NRK: variants seen among roughly 807,000 people sequenced by gnomAD.
NRK encodes Nik related kinase.
NRK carries 67 observed loss-of-function variants against 125.2 expected under a neutral mutation model. The ratio of observed to expected loss-of-function variants is 0.54; its 90% CI spans 0.44 to 0.66. NRK has a LOEUF of 0.66. Among genes scored for constraint, NRK ranks in the 30% least tolerant of loss-of-function variants. The probability of loss-of-function intolerance (pLI) is 0.00; values close to 1 mark genes in which losing one functional copy is unlikely to be tolerated. For synonymous variants in NRK, 458 were observed against 429.0 expected, an observed-to-expected ratio of 1.07 and a Z score of -0.84; for missense variants, 1,224 against 1,192.9, an observed-to-expected ratio of 1.03 and a Z score of -0.38.
chrX:105,910,984 G>T (rs1466344752), intron 13 of NRK, among the ~76,000 whole-genome samples: 1 of 111,709 alleles, frequency 9.0e-6, no homozygotes, highest in African/African-American at 3.3e-5. Flanking sequence ...AGGTCTACGT[G>T]AGTCTAGGAA....
chrX:105,869,248 G>T (rs1286757997), intron 2 of NRK, among the ~76,000 whole-genome samples: 3 of 111,411 alleles, frequency 2.7e-5, no homozygotes, highest in Non-Finnish European at 5.7e-5. Context: ...CTACAATGAG[G>T]ACTCATACCT....
At chrX:105,859,877 G>C (rs2039579592) in intron 2 of NRK, among the ~76,000 whole-genome samples, 1 of 111,604 alleles carries the variant, frequency 9.0e-6, no homozygotes, top group Non-Finnish European at 1.9e-5. Flanking sequence ...TTGCCATACA[G>C]AAAGCTTGAA....
chrX:105,893,465 G>A (rs1288384068), intron 5 of NRK, among the ~76,000 whole-genome samples: 1 of 111,504 alleles, frequency 9.0e-6, no homozygotes, highest in African/African-American at 3.3e-5. Flanking sequence ...CGTCACTTAG[G>A]TTTGTTCCTT....
chrX:105,897,240 G>T (rs931130087), intron 7 of NRK, among the ~76,000 whole-genome samples: 1 of 112,237 alleles, frequency 8.9e-6, no homozygotes, highest in African/African-American at 3.2e-5. Flanking sequence ...CACATATTTT[G>T]CACTTAATTC....
At chrX:105,948,140 CA>C (rs1460037362) in intron 26 of NRK, among the ~76,000 whole-genome samples, 1 of 110,946 alleles carries the variant, frequency 9.0e-6, no homozygotes, top group Non-Finnish European at 1.9e-5. Context: ...TTGAACTTTG[CA>C]GCATTGGTCC....
chrX:105,881,044 A>G (rs959159390), intron 3 of NRK, among the ~76,000 whole-genome samples: 3 of 111,465 alleles, frequency 2.7e-5, no homozygotes, highest in African/African-American at 9.8e-5. Context: ...CTGTTTAAAG[A>G]GTTGTGTGCT....
At chrX:105,949,856 G>T in intron 27 of NRK, 122 bp downstream of exon 27, 1 of 464,944 alleles carries the variant, frequency 2.2e-6, no homozygotes, top group Non-Finnish European at 3.6e-6. Flanking sequence ...ATTAGTTTGG[G>T]GTTCTGCATA....
chrX:105,825,295 A>T, intron 1 of NRK, among the ~76,000 whole-genome samples: 1 of 112,393 alleles, frequency 8.9e-6, no homozygotes, highest in Non-Finnish European at 1.9e-5. Flanking sequence ...ATATGATGGT[A>T]TCCCTTGCAG....
intron 22 of NRK, 77 bp from the exon 23 acceptor site, chrX:105,939,797 A>G (rs1410842429): frequency 4.8e-6 from 3 of 620,273 alleles, no homozygotes; most frequent in African/African-American, 4.7e-5. Context: ...AAAAGGCAAA[A>G]TATCTTTACT....
Position 105,947,332 on chromosome X carries a change from C to G in NRK, c.4353+868C>G, listed in dbSNP as rs113009307. ...GTGGCGGGCGCCTGTAGTCCCAGCT[C>G]CTTGGGAGGCTGAGGCAGGAGAATG... On this transcript the variant is annotated intron_variant, in intron 26 of 28. Coordinates refer to ENST00000243300, the MANE Select transcript of NRK (RefSeq NM_198465.4). Among the ~76,000 whole-genome samples, 2 of 74,818 alleles carry G rather than the reference C, an allele frequency of 2.7e-5. 1 individual carries two copies. The highest frequency in any genetic ancestry group is 2.5e-4 in the Admixed American group (2 of 7,891). The allele number at this position is 74,818 out of a possible 115,157, so 65.0% of individuals were successfully genotyped here.
intron 1 of NRK, among the ~76,000 whole-genome samples, chrX:105,826,401 A>AATATAT (rs60024098): frequency 3.9e-5 from 3 of 77,849 alleles, no homozygotes; most frequent in African/African-American, 1.5e-4. Flanking sequence ...ATATATATAT[A>AATATAT]ATATATATAT....
At position 105,921,520 on chromosome X, in the gene NRK, A is replaced by G. The variant is rs185849665; in HGVS notation, c.2513-444A>G. Among the ~76,000 whole-genome samples, 478 of 109,127 alleles carry G rather than the reference A, an allele frequency of 4.4e-3. 1 individual carries two copies. Among genetic ancestry groups the G allele is most frequent in the Middle Eastern group, 0.014 (3 of 211 alleles). 94.8% of individuals were successfully genotyped at this position (109,127 alleles called of 115,157 possible). On this transcript the variant is annotated intron_variant, in intron 16 of 28. Coordinates refer to ENST00000243300, the MANE Select transcript of NRK (RefSeq NM_198465.4). Reference sequence around the variant, plus strand: ...GATTGAAGAATGAACTCTCCTCTTGAGGGTTTTGGCTAGTCTATCATCTTC... The same window carrying G: ...GATTGAAGAATGAACTCTCCTCTTGGGGGTTTTGGCTAGTCTATCATCTTC...
At chrX:105,934,229 A>G in intron 19 of NRK, 29 bp from the exon 20 acceptor site, 1 of 1,066,087 alleles carries the variant, frequency 9.4e-7, no homozygotes. Flanking sequence ...TACTAATGAA[A>G]TAAAAATTGG....
chrX:105,846,985 G>A (rs943635297), intron 2 of NRK, among the ~76,000 whole-genome samples: 1 of 112,061 alleles, frequency 8.9e-6, no homozygotes, highest in Non-Finnish European at 1.9e-5. Context: ...CTGAGGCATA[G>A]TGAAGTTAAA....
At position 105,908,283 on chromosome X, in the gene NRK, G is replaced by C. The variant is rs55862725; in HGVS notation, c.1065G>C (p.Gln355His). The part of the protein sequence containing the change: ...IFEREEAIKE[Q>H]YTVRRFRGPS... ...AAAGAGAAGAAGCTATTAAGGAACA[G>C]TACACCGTGAGAAGATTCAGGTGCG... Residue 355 changes from glutamine (Q) to histidine (H), a missense_variant, in exon 12 of 29, where the codon CAG (glutamine) becomes CAC (histidine). Coordinates refer to ENST00000243300, the MANE Select transcript of NRK (RefSeq NM_198465.4). The C allele has an allele frequency of 9.0e-5, 97 of 1,078,471 alleles. No individual in the cohort carries two copies. The African/African-American group carries it at 1.7e-3, about 19-fold the overall frequency. 88.9% of individuals were successfully genotyped at this position (1,078,471 alleles called of 1,213,427 possible).
intron 2 of NRK, among the ~76,000 whole-genome samples, chrX:105,846,358 A>G (rs1392217706): frequency 1.8e-5 from 2 of 111,714 alleles, no homozygotes; most frequent in Non-Finnish European, 3.8e-5. Flanking sequence ...TAGGACATGA[A>G]TGGTCAGTGT....
intron 2 of NRK, among the ~76,000 whole-genome samples, chrX:105,864,991 A>C (rs1433669842): frequency 1.8e-5 from 2 of 111,581 alleles, no homozygotes; most frequent in African/African-American, 6.5e-5. Context: ...TCTTCTAGCC[A>C]TATACACAAC....
At chrX:105,874,244 C>A (rs2147698904) in intron 2 of NRK, among the ~76,000 whole-genome samples, 1 of 111,688 alleles carries the variant, frequency 9.0e-6, no homozygotes, top group South Asian at 3.7e-4. Flanking sequence ...CTGGAAGAAC[C>A]ACTTACCTCT....
At chrX:105,908,061 G>C in intron 11 of NRK, 179 bp from the exon 12 acceptor site, 1 of 322,258 alleles carries the variant, frequency 3.1e-6, no homozygotes, top group Non-Finnish European at 5.6e-6. Context: ...TGCTGCAAAA[G>C]TGGGCCTAGA....
Sources: allele counts gnomAD v4.1 joint callset (sites outside exome capture counted in the v4.1 genomes callset), GRCh38; gene constraint gnomAD v4.1.1; transcripts MANE v1.5; gene names NCBI Gene and HGNC (gene_info 2026-07-23, HGNC 2026-07-21).